Variants in TMIGD3 observed in about 807,000 individuals in gnomAD.
The protein encoded by TMIGD3 is AD026 protein (AD026).
A neutral mutation model predicts 28.1 loss-of-function variants in TMIGD3; 21 were observed. The observed-to-expected ratio is 0.75, with a 90% confidence interval of 0.53 to 1.08. The LOEUF (loss-of-function observed/expected upper bound fraction) is 1.08, where lower values mean the gene tolerates loss of function less well. TMIGD3 is among the 50% of genes least tolerant of loss of function. TMIGD3 has a pLI of 0.00. For synonymous variants in TMIGD3, 151 were observed against 162.1 expected (o/e 0.93, Z 0.52); for missense variants, 416 against 435.6 (o/e 0.96, Z 0.40).
At chr1:111,531,960 A>C (rs1476358635) in intron 1 of TMIGD3, among the ~76,000 whole-genome samples, 1 of 152,190 alleles carries the variant, frequency 6.6e-6, no homozygotes, top group East Asian at 1.9e-4. Flanking sequence ...AAAGGAAAAA[A>C]ACTTTGTTAG....
At chr1:111,504,389 C>T (rs1002187910), upstream of TMIGD3, among the ~76,000 whole-genome samples, 7 of 152,194 alleles carry the variant, frequency 4.6e-5, no homozygotes, top group African/African-American at 7.2e-5. Flanking sequence ...ATTCCCCAAG[C>T]CTCAGCCCCA....
intron 1 of TMIGD3, among the ~76,000 whole-genome samples, chr1:111,553,642 A>T (rs74999591): frequency 0.031 from 4,709 of 152,194 alleles, 228 homozygotes; most frequent in African/African-American, 0.11. Flanking sequence ...TACTCAGCTG[A>T]ATATCTATTT....
intron 5 of TMIGD3, 95 bp from the exon 6 acceptor site, chr1:111,483,852 G>T (rs1352586020): frequency 2.2e-6 from 2 of 916,430 alleles, no homozygotes; most frequent in Non-Finnish European, 3.6e-6. Context: ...TCTGTCATGG[G>T]GCTTTCATGG....
chr1:111,492,639 C>A (rs996109921), intron 1 of TMIGD3, among the ~76,000 whole-genome samples: 5 of 151,952 alleles, frequency 3.3e-5, no homozygotes, highest in Admixed American at 3.3e-4. Flanking sequence ...TATGGTGAAA[C>A]CCCATCTCTA....
At chr1:111,526,373 G>T (rs969171397) in intron 1 of TMIGD3, among the ~76,000 whole-genome samples, 1 of 152,134 alleles carries the variant, frequency 6.6e-6, no homozygotes, top group Non-Finnish European at 1.5e-5. Context: ...TAATGGTTTT[G>T]TAAGGGGCTT....
chr1:111,541,716 G>A (rs1656833011), intron 1 of TMIGD3, among the ~76,000 whole-genome samples: 1 of 152,082 alleles, frequency 6.6e-6, no homozygotes, highest in Admixed American at 6.6e-5. Context: ...GAGAGAAAGT[G>A]CAGGAGGCTA....
chr1:111,503,940 CA>C (rs1655384168), upstream of TMIGD3: 3 of 985,422 alleles, frequency 3.0e-6, no homozygotes, highest in Non-Finnish European at 3.6e-6. Flanking sequence ...ACTGACTATG[CA>C]ATCTTTCTGC....
chr1:111,548,625 A>T (rs1657128433), intron 1 of TMIGD3, among the ~76,000 whole-genome samples: 1 of 152,192 alleles, frequency 6.6e-6, no homozygotes, highest in Non-Finnish European at 1.5e-5. Context: ...TTAATCGTTG[A>T]TCCTCTTCAA....
At chr1:111,561,764 G>A (rs997261637) in intron 1 of TMIGD3, among the ~76,000 whole-genome samples, 6 of 152,224 alleles carry the variant, frequency 3.9e-5, no homozygotes, top group South Asian at 2.1e-4. Context: ...GTGTGTGTAC[G>A]TATAATTGGA....
intron 1 of TMIGD3, among the ~76,000 whole-genome samples, chr1:111,508,902 G>C (rs1372199937): frequency 1.3e-5 from 2 of 152,170 alleles, no homozygotes; most frequent in African/African-American, 4.8e-5. Flanking sequence ...CTAGACCAGC[G>C]TGACCAACGT....
chr1:111,487,520 G>A (rs760464451), intron 3 of TMIGD3, among the ~76,000 whole-genome samples: 81 of 151,800 alleles, frequency 5.3e-4, no homozygotes, highest in Non-Finnish European at 9.3e-4. Flanking sequence ...AAAAAAAAAA[G>A]GAAGAAAGAA....
At chr1:111,509,020 G>T (rs1041741801) in intron 1 of TMIGD3, among the ~76,000 whole-genome samples, 1 of 152,216 alleles carries the variant, frequency 6.6e-6, no homozygotes, top group Non-Finnish European at 1.5e-5. Flanking sequence ...GCTTGAACCC[G>T]GGAGGCGGAG....
At chr1:111,504,913 C>CTT (rs1161284496), upstream of TMIGD3, 9 of 985,186 alleles carry the variant, frequency 9.1e-6, no homozygotes, top group Non-Finnish European at 1.1e-5. Flanking sequence ...ACTCCCCAGA[C>CTT]ATTAAAAAGG....
chr1:111,514,914 C>G (rs1655808801), intron 1 of TMIGD3, among the ~76,000 whole-genome samples: 2 of 152,200 alleles, frequency 1.3e-5, no homozygotes, highest in East Asian at 3.8e-4. Flanking sequence ...ATCACCTCTT[C>G]TTTTCACAGA....
chr1:111,536,813 C>A (rs1487380400), intron 1 of TMIGD3, among the ~76,000 whole-genome samples: 1 of 152,034 alleles, frequency 6.6e-6, no homozygotes, highest in Non-Finnish European at 1.5e-5. Context: ...TTGTCCCTTC[C>A]TTTCCTCTCC....
At chr1:111,500,040 G>A (rs776719047) in intron 1 of TMIGD3, 3 of 1,614,218 alleles carry the variant, frequency 1.9e-6, no homozygotes, top group South Asian at 2.2e-5. Flanking sequence ...AGGTTTCCTT[G>A]AACTTCTTTA....
intron 2 of TMIGD3, 116 bp from the exon 3 acceptor site, chr1:111,489,140 T>A: frequency 9.8e-7 from 1 of 1,015,460 alleles, no homozygotes; most frequent in Non-Finnish European, 1.4e-6. Context: ...GAGGCTGATT[T>A]TTGCCTCTTT....
chr1:111,535,358 C>G (rs1228689438), intron 1 of TMIGD3, among the ~76,000 whole-genome samples: 1 of 152,196 alleles, frequency 6.6e-6, no homozygotes, highest in Non-Finnish European at 1.5e-5. Flanking sequence ...ACGTATCACT[C>G]TAGAAATTGT....
At chr1:111,554,417 A>G (rs1355585735) in intron 1 of TMIGD3, among the ~76,000 whole-genome samples, 4 of 152,214 alleles carry the variant, frequency 2.6e-5, no homozygotes, top group Non-Finnish European at 4.4e-5. Context: ...GCACAAATCT[A>G]AAGAGGAGGG....
Sources: allele counts gnomAD v4.1 joint callset (sites outside exome capture counted in the v4.1 genomes callset), GRCh38; gene constraint gnomAD v4.1.1; transcripts MANE v1.5; gene names NCBI Gene and HGNC (gene_info 2026-07-23, HGNC 2026-07-21).